The following BTBD17 variants were observed in gnomAD, a reference collection of about 807,000 sequenced individuals.
BTBD17 encodes BTB/POZ domain-containing protein 17.
A neutral mutation model predicts 36.9 loss-of-function variants in BTBD17; 26 were observed. The ratio of observed to expected loss-of-function variants is 0.70; its 90% confidence interval spans 0.52 to 0.98. BTBD17 has a LOEUF of 0.98. Ranked by LOEUF, BTBD17 falls within the 50% of genes least tolerant of loss-of-function variation. The pLI is 0.00. For missense variants in BTBD17, 630 were observed against 691.3 expected (o/e 0.91, Z 0.99); for synonymous variants, 341 against 338.0 (o/e 1.01, Z -0.10).
chr17:74,359,868 C>T, intron 2 of BTBD17, 101 bp downstream of exon 2: 1 of 1,217,828 alleles, frequency 8.2e-7, no homozygotes, highest in Non-Finnish European at 1.2e-6. Flanking sequence ...GGGAAATGGA[C>T]ATAACAACCT....
rs145160027 is a variant in BTBD17 at position 74,359,980 on chromosome 17, G to A, written c.351C>T (p.Asp117=). The change falls in exon 2 of 3, where the codon GAC becomes GAT. Residue 117 remains aspartate (D), a synonymous_variant. Transcript: ENST00000375366. ...TTCCGCGTCCCCACCTGATGAACTTGTCGAAGACAGCGGCGCAGTCCTGTG... is the reference window on the plus strand; with the variant it reads ...TTCCGCGTCCCCACCTGATGAACTTATCGAAGACAGCGGCGCAGTCCTGTG... ...QEPQDCAAVF[D]KFIRYLYCGE... is the part of the protein sequence containing the mutation. The A allele has an allele frequency of 2.5e-6, 4 of 1,608,702 alleles. No individual in the cohort carries two copies. Among genetic ancestry groups the A allele is most frequent in the Non-Finnish European group, 3.4e-6 (4 of 1,176,880 alleles).
In BTBD17 at chr17:74,356,911, C is replaced by T; in HGVS notation, c.1183G>A (p.Val395Met). The change falls in exon 3 of 3, where the codon GTG becomes ATG. Residue 395 changes from valine (V) to methionine (M), a missense_variant. Transcript: ENST00000375366. This position sits in a 1 kb window ranked among gnomAD's most constrained non-coding sequence, Gnocchi z 4.3. ...TCGCCGCCGCTGCTGGCCGGCGTCACCACCAGCCGCGGTCGGCCGTCCTCC... is the reference window on the plus strand; with the variant it reads ...TCGCCGCCGCTGCTGGCCGGCGTCATCACCAGCCGCGGTCGGCCGTCCTCC... The part of the protein sequence containing the change: ...RPEDGRPRLV[V>M]TPASSGGDAA... The T allele has an allele frequency of 1.4e-6, 2 of 1,433,840 alleles. No individual in the cohort carries two copies. The highest frequency in any genetic ancestry group is 1.8e-6 in the Non-Finnish European group (2 of 1,104,512). 88.8% of individuals were successfully genotyped at this position (1,433,840 alleles called of 1,614,324 possible). A position where few individuals can be genotyped will look rare whatever the true frequency, so the allele number is the denominator to read the frequency against.
chr17:74,360,080 C>T lies in BTBD17; in HGVS notation c.251G>A (p.Arg84His), dbSNP rs748673858. 9 of 1,613,276 alleles carry T rather than the reference C, an allele frequency of 5.6e-6. No individual in the cohort carries two copies. The highest frequency in any genetic ancestry group is 5.5e-5 in the South Asian group (5 of 91,086). ...CTCACTGTGCAGTCCCAGCAGCAGG[C>T]GGTGGGCGTGGAATACCCGGACCTC... ...TDEVRVFHAH[R>H]LLLGLHSELF... is the part of the protein sequence containing the mutation. Residue 84 changes from arginine to histidine, a missense_variant, in exon 2 of 3, where the codon CGC (arginine) becomes CAC (histidine). Arg to His is a conservative substitution (Grantham distance 29, BLOSUM62 0). Transcript: ENST00000375366.
rs1224322104 is a variant in BTBD17 at position 74,357,490 on chromosome 17, T to C, written c.604A>G (p.Ser202Gly). The change falls in exon 3 of 3, where the codon AGC becomes GGC. Residue 202 changes from serine to glycine, a missense_variant. Physicochemically the swap from Ser to Gly is moderately conservative, Grantham distance 56. Coordinates refer to ENST00000375366, the MANE Select transcript of BTBD17 (RefSeq NM_001080466.2). The surrounding 1 kb of genome is among the most constrained non-coding windows in gnomAD (Gnocchi z 8.4). ...LAWNLSAVAA[S>G]TEWGAVSPEL... ...GGGCTCACGGCGCCCCACTCGGTGCTGGCCGCCACGGCCGACAGGTTCCAG... is the reference window on the plus strand; with the variant it reads ...GGGCTCACGGCGCCCCACTCGGTGCCGGCCGCCACGGCCGACAGGTTCCAG... The C allele has an allele frequency of 3.5e-5, 55 of 1,569,754 alleles. No homozygotes were observed. Among genetic ancestry groups the C allele is most frequent in the Non-Finnish European group, 4.5e-5 (53 of 1,166,432 alleles).
chr17:74,356,527 A>T lies in BTBD17; in HGVS notation c.*130T>A. 1 of 1,314,570 alleles carries T rather than the reference A, an allele frequency of 7.6e-7. No homozygotes were observed. Among genetic ancestry groups the T allele is most frequent in the Non-Finnish European group, 9.7e-7 (1 of 1,029,218 alleles). 81.4% of individuals were successfully genotyped at this position (1,314,570 alleles called of 1,614,324 possible). ...GTCTACCACGCCTCACCTGGACTCC[A>T]CCCCAGCCCTAGGGTGGCCGGCGCC... On this transcript the variant is annotated 3_prime_UTR_variant, in exon 3 of 3. Coordinates refer to ENST00000375366, the MANE Select transcript of BTBD17 (RefSeq NM_001080466.2). This position sits in a 1 kb window ranked among gnomAD's most constrained non-coding sequence, Gnocchi z 4.3.
intron 1 of BTBD17, among the ~76,000 whole-genome samples, chr17:74,361,434 A>G (rs1456467352): frequency 2.0e-5 from 3 of 152,156 alleles, no homozygotes; most frequent in African/African-American, 7.2e-5. Context: ...AGCGGGTAGT[A>G]TGTTTCCCAG....
intron 1 of BTBD17, among the ~76,000 whole-genome samples, chr17:74,360,984 A>C (rs1181243007): frequency 6.6e-6 from 1 of 152,134 alleles, no homozygotes; most frequent in Non-Finnish European, 1.5e-5. Context: ...GCGGGTGTGG[A>C]AGGGAAGCTG....
chr17:74,361,488 T>C (rs2054937568), intron 1 of BTBD17, among the ~76,000 whole-genome samples: 1 of 152,152 alleles, frequency 6.6e-6, no homozygotes, highest in African/African-American at 2.4e-5. Flanking sequence ...TGAATGCTGA[T>C]GGCGTCCCCA....
At position 74,357,684 on chromosome 17, in the gene BTBD17, G is replaced by A. The variant is rs1202651837; in HGVS notation, c.410C>T (p.Pro137Leu). ...GTACTTGGTGGCCAGTCTGTGCAGG[G>A]GGATGGCCTGGGTCAGCAGCACGGT... ...ELTVLLTQAI[P>L]LHRLATKYGV... Residue 137 changes from proline to leucine, a missense_variant, in exon 3 of 3, where the codon CCC (proline) becomes CTC (leucine). Coordinates refer to ENST00000375366, the MANE Select transcript of BTBD17 (RefSeq NM_001080466.2). The surrounding 1 kb of genome is among the most constrained non-coding windows in gnomAD (Gnocchi z 8.4). 4.5e-6 allele frequency: 7 copies of A among 1,548,208 alleles called. No individual in the cohort carries two copies. Among genetic ancestry groups the A allele is most frequent in the African/African-American group, 1.4e-5 (1 of 73,128 alleles).
chr17:74,359,188 C>T (rs1215474866), intron 2 of BTBD17, among the ~76,000 whole-genome samples: 3 of 152,086 alleles, frequency 2.0e-5, no homozygotes, highest in African/African-American at 7.2e-5. Context: ...CCTGGCCAAA[C>T]ACCAAAACCA....
In BTBD17 at chr17:74,357,686, G is replaced by C. The variant is rs778057544; in HGVS notation, c.408C>G (p.Ile136Met). 1 of 1,548,168 alleles carries C rather than the reference G, an allele frequency of 6.5e-7. No homozygotes were observed. Among genetic ancestry groups the C allele is most frequent in the East Asian group, 2.4e-5 (1 of 41,104 alleles). The change falls in exon 3 of 3, where the codon ATC becomes ATG. Residue 136 changes from isoleucine to methionine, a missense_variant. Coordinates refer to ENST00000375366, the MANE Select transcript of BTBD17 (RefSeq NM_001080466.2). The surrounding 1 kb of genome is among the most constrained non-coding windows in gnomAD (Gnocchi z 8.4). ...GELTVLLTQA[I>M]PLHRLATKYG... ...ACTTGGTGGCCAGTCTGTGCAGGGG[G>C]ATGGCCTGGGTCAGCAGCACGGTCA... is the stretch of plus-strand genomic sequence containing the variant.
At chr17:74,362,965 C>CGT (rs112779081), upstream of BTBD17, among the ~76,000 whole-genome samples, 2,023 of 145,986 alleles carry the variant, frequency 0.014, 39 homozygotes, top group African/African-American at 0.04. Flanking sequence ...AGCGCGCGCG[C>CGT]ATGTGTGTGT....
intron 2 of BTBD17, among the ~76,000 whole-genome samples, chr17:74,358,483 T>C (rs926690399): frequency 6.9e-6 from 1 of 144,202 alleles, no homozygotes; most frequent in Non-Finnish European, 1.5e-5. Context: ...AGCTTTTTTT[T>C]TTTTTTTTTT....
Position 74,356,513 on chromosome 17 carries a change from C to A in BTBD17, c.*144G>T. 1 of 1,274,614 alleles carries A rather than the reference C, an allele frequency of 7.8e-7. No individual in the cohort carries two copies. Among genetic ancestry groups the A allele is most frequent in the South Asian group, 2.9e-5 (1 of 34,898 alleles). 79.0% of individuals were successfully genotyped at this position (1,274,614 alleles called of 1,614,324 possible). ...AAACCAGGCATCTTGTCTACCACGC[C>A]TCACCTGGACTCCACCCCAGCCCTA... On this transcript the variant is annotated 3_prime_UTR_variant, in exon 3 of 3. Coordinates refer to ENST00000375366, the MANE Select transcript of BTBD17 (RefSeq NM_001080466.2). The surrounding 1 kb of genome is among the most constrained non-coding windows in gnomAD (Gnocchi z 4.3).
chr17:74,357,083 G>C lies in BTBD17; in HGVS notation c.1011C>G (p.Thr337=). The C allele has an allele frequency of 6.5e-7, 1 of 1,527,244 alleles. No homozygotes were observed. The highest frequency in any genetic ancestry group is 2.1e-5 in the Admixed American group (1 of 47,232). 94.6% of individuals were successfully genotyped at this position (1,527,244 alleles called of 1,614,324 possible). A position where few individuals can be genotyped will look rare whatever the true frequency, so the allele number is the denominator to read the frequency against. ...INNPARDDRS[T]SFQTQLGPSG... Reference sequence around the variant, plus strand: ...TCGGGCCCAGCTGCGTCTGGAAGCTGGTGCTGCGGTCGTCGCGGGCCGGGT... The same window carrying C: ...TCGGGCCCAGCTGCGTCTGGAAGCTCGTGCTGCGGTCGTCGCGGGCCGGGT... Residue 337 remains threonine, a synonymous_variant, in exon 3 of 3, where the codon ACC becomes ACG. Transcript: ENST00000375366. The surrounding 1 kb of genome is among the most constrained non-coding windows in gnomAD (Gnocchi z 8.4).
At chr17:74,362,906 T>TA (rs776888916), upstream of BTBD17, among the ~76,000 whole-genome samples, 3 of 152,010 alleles carry the variant, frequency 2.0e-5, no homozygotes, top group Non-Finnish European at 4.4e-5. Flanking sequence ...AGTGCTCTTC[T>TA]AAAAACAAAG....
At chr17:74,361,618 C>A in intron 1 of BTBD17, 117 bp downstream of exon 1, 1 of 763,106 alleles carries the variant, frequency 1.3e-6, no homozygotes. Context: ...CTGTCCGGTC[C>A]ACCCCGTGCT....
In BTBD17 at chr17:74,357,843, GT is replaced by G; in HGVS notation, c.363-113del. On this transcript the variant is annotated intron_variant, in intron 2 of 2. Coordinates refer to ENST00000375366, the MANE Select transcript of BTBD17 (RefSeq NM_001080466.2). This position sits in a 1 kb window ranked among gnomAD's most constrained non-coding sequence, Gnocchi z 8.4. ...CTGGAGTTGGAGCTTCACTGTCCGG[GT>G]GCAAACACAGTGGAAGCCCCACCCT... The G allele has an allele frequency of 1.2e-6, 1 of 822,046 alleles. No individual in the cohort carries two copies. Among genetic ancestry groups the G allele is most frequent in the Middle Eastern group, 3.7e-4 (1 of 2,688 alleles). The allele number at this position is 822,046 out of a possible 1,614,324, so 50.9% of individuals were successfully genotyped here.
Position 74,356,610 on chromosome 17 carries a change from A to T in BTBD17, c.*47T>A, listed in dbSNP as rs752668705. The stretch of plus-strand genomic sequence containing the variant: ...TCCAGGCTCGCCTTGCCCTTCCCAG[A>T]CCCACAGGGACCACCTAGGCCAGGC... On this transcript the variant is annotated 3_prime_UTR_variant, in exon 3 of 3. Coordinates refer to ENST00000375366, the MANE Select transcript of BTBD17 (RefSeq NM_001080466.2). The surrounding 1 kb of genome is among the most constrained non-coding windows in gnomAD (Gnocchi z 4.3). 7.1e-7 allele frequency: 1 copy of T among 1,409,578 alleles called. No homozygotes were observed. Among genetic ancestry groups the T allele is most frequent in the Non-Finnish European group, 9.3e-7 (1 of 1,077,086 alleles). The allele number at this position is 1,409,578 out of a possible 1,614,324, so 87.3% of individuals were successfully genotyped here. A position where few individuals can be genotyped will look rare whatever the true frequency, so the allele number is the denominator to read the frequency against.
Sources: allele counts gnomAD v4.1 joint callset (sites outside exome capture counted in the v4.1 genomes callset), GRCh38; gene constraint gnomAD v4.1.1; non-coding constraint Gnocchi (gnomAD v3.1); transcripts MANE v1.5; gene names NCBI Gene and HGNC (gene_info 2026-07-23, HGNC 2026-07-21).